Variants in ZDHHC11B observed in about 807,000 individuals in gnomAD.
ZDHHC11B encodes probable palmitoyltransferase ZDHHC11B.
In ZDHHC11B, 17 loss-of-function variants were observed where a neutral mutation model predicts 42.3. The observed-to-expected ratio is 0.40, with a 90% CI of 0.27 to 0.60. The LOEUF (loss-of-function observed/expected upper bound fraction) is 0.60. ZDHHC11B is among the 20% of genes least tolerant of loss of function. The probability of loss-of-function intolerance (pLI) is 0.41; values close to 1 mark genes in which losing one functional copy is unlikely to be tolerated. For synonymous variants in ZDHHC11B, 123 were observed against 193.5 expected, an observed-to-expected ratio of 0.64 and a Z score of 3.02; for missense variants, 262 against 463.2, an observed-to-expected ratio of 0.57 and a Z score of 3.99.
intron 4 of ZDHHC11B, among the ~76,000 whole-genome samples, chr5:762,204 C>T (rs59793323): frequency 5.9e-5 from 9 of 151,602 alleles, no homozygotes; most frequent in African/African-American, 2.2e-4. Flanking sequence ...CGGCCACTCA[C>T]AGTCCCGGCC....
At chr5:730,748 A>G (rs1329579745) in intron 11 of ZDHHC11B, among the ~76,000 whole-genome samples, 1 of 151,670 alleles carries the variant, frequency 6.6e-6, no homozygotes, top group African/African-American at 2.4e-5. Flanking sequence ...GTCTTGAAAG[A>G]GGTAATGGAT....
rs553311913 is a variant in ZDHHC11B, at chr5:753,431, A to G, written c.503+1567T>C. Among the ~76,000 whole-genome samples the G allele has an allele frequency of 2.4e-4, 31 of 131,112 alleles. 1 individual carries two copies. Among genetic ancestry groups the G allele is most frequent in the Middle Eastern group, 3.8e-3 (1 of 264 alleles). The allele number at this position is 131,112 out of a possible 152,430, so 86.0% of individuals were successfully genotyped here. On this transcript the variant is annotated intron_variant, in intron 6 of 13. Coordinates refer to ENST00000508859, the MANE Select transcript of ZDHHC11B (RefSeq NM_001351303.2). The stretch of plus-strand genomic sequence containing the variant: ...CCTTTCCCACACACAGGCGGTGTCT[A>G]CACTTGGCACCCACGTGGTCCCTCT...
chr5:745,835 C>T (rs1744741871), intron 8 of ZDHHC11B, among the ~76,000 whole-genome samples: 1 of 149,818 alleles, frequency 6.7e-6, no homozygotes, highest in South Asian at 2.2e-4. Context: ...CCCCGAGGTG[C>T]TGGCTAGCGG....
intron 10 of ZDHHC11B, among the ~76,000 whole-genome samples, chr5:736,152 G>A (rs1561130596): frequency 6.7e-6 from 1 of 149,452 alleles, no homozygotes; most frequent in Non-Finnish European, 1.5e-5. Flanking sequence ...GAAACCAACA[G>A]CAGGCAGGAG....
At chr5:750,020 G>C (rs1745394952) in intron 7 of ZDHHC11B, among the ~76,000 whole-genome samples, 1 of 111,434 alleles carries the variant, frequency 9.0e-6, no homozygotes, top group African/African-American at 3.1e-5. Context: ...GCTCATCCTT[G>C]AAAAAAATGT....
chr5:774,349 C>T (rs1736289689), intron 1 of ZDHHC11B, among the ~76,000 whole-genome samples: 1 of 152,196 alleles, frequency 6.6e-6, no homozygotes, highest in Non-Finnish European at 1.5e-5. Flanking sequence ...CCCGGGTGTC[C>T]ATGTGGCATC....
intron 10 of ZDHHC11B, among the ~76,000 whole-genome samples, chr5:734,184 T>A (rs1743334501): frequency 7.0e-6 from 1 of 142,130 alleles, no homozygotes; most frequent in South Asian, 2.3e-4. Flanking sequence ...AGCTCCCACA[T>A]GGAGAGACAG....
At chr5:753,689 C>T (rs1437541137) in intron 6 of ZDHHC11B, among the ~76,000 whole-genome samples, 1 of 148,636 alleles carries the variant, frequency 6.7e-6, no homozygotes, top group South Asian at 2.3e-4. Flanking sequence ...GTCTCCCCGG[C>T]CCCTACCATC....
chr5:738,463 A>C (rs1384635443), intron 10 of ZDHHC11B, among the ~76,000 whole-genome samples: 72 of 52,226 alleles, frequency 1.4e-3, no homozygotes, highest in Admixed American at 3.3e-3. Context: ...ATTCATATGG[A>C]ACCAAAAAAG....
At chr5:777,362 T>C (rs1293857400) in intron 1 of ZDHHC11B, among the ~76,000 whole-genome samples, 1 of 151,922 alleles carries the variant, frequency 6.6e-6, no homozygotes, top group African/African-American at 2.4e-5. Flanking sequence ...CGTCTGGAGC[T>C]GTTCGCTCCC....
At chr5:733,905 G>C in intron 10 of ZDHHC11B, 66 bp from the exon 11 acceptor site, 2 of 1,403,426 alleles carry the variant, frequency 1.4e-6, no homozygotes, top group South Asian at 1.2e-5. Flanking sequence ...GGTGGCACTG[G>C]AGGCTGCACC....
intron 10 of ZDHHC11B, 64 bp from the exon 11 acceptor site, chr5:733,903 T>C (rs1743293011): frequency 2.8e-6 from 4 of 1,427,208 alleles, no homozygotes; most frequent in Non-Finnish European, 3.9e-6. Flanking sequence ...AGGGTGGCAC[T>C]GGAGGCTGCA....
rs1462414737 is a variant in ZDHHC11B at position 766,882 on chromosome 5, G to T, written c.38C>A (p.Pro13Gln). 12 of 1,612,502 alleles carry T rather than the reference G, an allele frequency of 7.4e-6. No homozygotes were observed. Among genetic ancestry groups the T allele is most frequent in the Admixed American group, 6.7e-5 (4 of 59,898 alleles). Residue 13 changes from proline (P) to glutamine (Q), a missense_variant, in exon 4 of 14, where the codon CCA becomes CAA. Coordinates refer to ENST00000508859, the MANE Select transcript of ZDHHC11B (RefSeq NM_001351303.2). ...TRSGSQCSVT[P>Q]EAIRNNEELV... ...CTCTTCATTGTTGCGTATGGCTTCT[G>T]GGGTGACGGAACACTGGCTCCCGGA...
intron 12 of ZDHHC11B, among the ~76,000 whole-genome samples, chr5:729,227 C>G (rs1239815476): frequency 6.6e-6 from 1 of 151,070 alleles, no homozygotes; most frequent in Non-Finnish European, 1.5e-5. Context: ...CCTCACACAC[C>G]CTCCCTGAAT....
chr5:775,964 C>A (rs536669981), intron 1 of ZDHHC11B, among the ~76,000 whole-genome samples: 50,670 of 117,882 alleles, frequency 0.43, 8,731 homozygotes, highest in Admixed American at 0.46. Context: ...ATGCCAGGAA[C>A]CCCTGGGGGT....
In ZDHHC11B at chr5:733,848, A is replaced by T; in HGVS notation, c.936-9T>A. The T allele has an allele frequency of 3.1e-6, 5 of 1,603,688 alleles. No homozygotes were observed. Among genetic ancestry groups the T allele is most frequent in the Non-Finnish European group, 4.3e-6 (5 of 1,176,092 alleles). Reference sequence around the variant, plus strand: ...AGCTCTTGGCCTTGACTCTGGTGGGACAGGAAGGAGGAGAGAAACTCATCT... The same window carrying T: ...AGCTCTTGGCCTTGACTCTGGTGGGTCAGGAAGGAGGAGAGAAACTCATCT... On this transcript the variant is annotated splice_polypyrimidine_tract_variant and intron_variant, in intron 10 of 13. Coordinates refer to ENST00000508859, the MANE Select transcript of ZDHHC11B (RefSeq NM_001351303.2).
rs746106162 is a variant in ZDHHC11B at position 745,177 on chromosome 5, T to A, written c.900+6A>T. 5.1e-6 allele frequency: 6 copies of A among 1,175,584 alleles called. No individual in the cohort carries two copies. In the African/African-American group the frequency reaches 8.6e-5, roughly 17 times the overall value. 72.8% of individuals were successfully genotyped at this position (1,175,584 alleles called of 1,614,324 possible). On this transcript the variant is annotated splice_donor_region_variant and intron_variant, in intron 9 of 13. Transcript: ENST00000508859. ...TGGAGAAAAGGAGCAGAGAGACAGG[T>A]GGTACCTGGAGAAATCCTTTGTCCA...
intron 13 of ZDHHC11B, among the ~76,000 whole-genome samples, chr5:712,676 G>A (rs1471472744): frequency 1.3e-4 from 19 of 151,046 alleles, no homozygotes; most frequent in Non-Finnish European, 2.4e-4. Flanking sequence ...TTGGGAGTCC[G>A]AGGCGGGTGG....
intron 3 of ZDHHC11B, among the ~76,000 whole-genome samples, chr5:767,173 A>G (rs7731690): frequency 0.33 from 48,957 of 148,728 alleles, 6,379 homozygotes; most frequent in South Asian, 0.43. Context: ...GAGTGGCAAC[A>G]GAAAATGGCT....
Sources: gnomAD v4.1 joint callset for allele counts (sites outside exome capture counted in the v4.1 genomes callset) on GRCh38, gnomAD v4.1.1 for gene constraint, MANE v1.5 for transcripts, NCBI Gene and HGNC (gene_info 2026-07-23, HGNC 2026-07-21) for gene names.